Variants in CUL2 observed in about 807,000 individuals in gnomAD.
CUL2 encodes the protein cullin 2.
Under a neutral mutation model 110.2 loss-of-function variants are expected in CUL2, and 22 were observed. The observed-to-expected ratio is 0.20, with a 90% CI of 0.14 to 0.28. CUL2 has a LOEUF of 0.28. Ranked by LOEUF, CUL2 falls within the 10% of genes least tolerant of loss-of-function variation. The pLI is 1.00. For missense variants in CUL2, 631 were observed against 905.5 expected, an observed-to-expected ratio of 0.70 and a Z score of 3.89; for synonymous variants, 279 against 293.2, an observed-to-expected ratio of 0.95 and a Z score of 0.49.
chr10:35,120,427 C>T (rs1564760027), intron 1 of CUL2: 1 of 152,038 alleles, frequency 6.6e-6, no homozygotes, highest in Non-Finnish European at 1.5e-5. Flanking sequence ...GTTGGGATGG[C>T]TGGGTTTTCT....
intron 1 of CUL2, among the ~76,000 whole-genome samples, chr10:35,076,720 T>C (rs921726275): frequency 2.0e-5 from 3 of 152,176 alleles, no homozygotes; most frequent in African/African-American, 7.2e-5. Context: ...AATGGTATAC[T>C]ATTCAGATTG....
chr10:35,010,231 A>C lies in CUL2; in HGVS notation c.*80T>G, dbSNP rs2084865208. The C allele has an allele frequency of 2.2e-6, 3 of 1,386,300 alleles. No homozygotes were observed. Among genetic ancestry groups the C allele is most frequent in the South Asian group, 1.8e-5 (1 of 55,486 alleles). The allele number at this position is 1,386,300 out of a possible 1,614,324, so 85.9% of individuals were successfully genotyped here. On this transcript the variant is annotated 3_prime_UTR_variant, in exon 21 of 21. Transcript: ENST00000374749. ...TGCCAAATGACCAAATTATGGAGGC[A>C]CAGTCCTGCTTTTTCCCACAGGAAC...
At position 35,033,246 on chromosome 10, in the gene CUL2, A is replaced by G; in HGVS notation, c.1030T>C (p.Leu344=). 1.9e-6 allele frequency: 3 copies of G among 1,613,478 alleles called. No individual in the cohort carries two copies. The highest frequency in any genetic ancestry group is 2.5e-6 in the Non-Finnish European group (3 of 1,179,594). Residue 344 remains leucine, a synonymous_variant, in exon 11 of 21, where the codon TTG becomes CTG. Transcript: ENST00000374749. ...TGAACAAATTTACCATGCACTTCCAAAACTGACTCCACAAATAGTGTTGGC... is the reference window on the plus strand; with the variant it reads ...TGAACAAATTTACCATGCACTTCCAGAACTGACTCCACAAATAGTGTTGGC... ...NMPTLFVESV[L]EVHGKFVQLI...
intron 16 of CUL2, among the ~76,000 whole-genome samples, chr10:35,028,524 T>C (rs566349173): frequency 8.5e-4 from 129 of 152,348 alleles, no homozygotes; most frequent in Non-Finnish European, 1.5e-3. Flanking sequence ...TCTTCTGATA[T>C]CAACATTTTT....
intron 2 of CUL2, among the ~76,000 whole-genome samples, chr10:35,063,548 G>A (rs1360842634): frequency 3.3e-5 from 5 of 152,104 alleles, no homozygotes; most frequent in Non-Finnish European, 5.9e-5. Flanking sequence ...TAGCAGTCAG[G>A]ATACTCTACC....
chr10:35,064,612 A>T (rs979760195), intron 2 of CUL2, among the ~76,000 whole-genome samples: 2 of 152,206 alleles, frequency 1.3e-5, no homozygotes, highest in Admixed American at 1.3e-4. Flanking sequence ...TACTCCAGAA[A>T]GCGCAAGCAG....
chr10:35,120,070 T>C (rs924339688), intron 1 of CUL2: 7 of 152,220 alleles, frequency 4.6e-5, no homozygotes, highest in African/African-American at 1.7e-4. Context: ...TGATCATCTA[T>C]GGGGACTGCA....
Position 35,028,795 on chromosome 10 carries a change from T to C in CUL2, c.1617+15A>G, listed in dbSNP as rs757764906. Reference sequence around the variant, plus strand: ...AAATTCCTTTAGTCTTCTAATATATTTCCTGCAAACTTACCATCTGTACAC... The same window carrying C: ...AAATTCCTTTAGTCTTCTAATATATCTCCTGCAAACTTACCATCTGTACAC... On this transcript the variant is annotated intron_variant, in intron 16 of 20. Transcript: ENST00000374749. The C allele has an allele frequency of 3.2e-6, 5 of 1,548,654 alleles. No individual in the cohort carries two copies. Among genetic ancestry groups the C allele is most frequent in the East Asian group, 2.2e-5 (1 of 44,482 alleles).
At chr10:35,108,654 G>T (rs979136592) in intron 1 of CUL2, among the ~76,000 whole-genome samples, 9 of 152,170 alleles carry the variant, frequency 5.9e-5, no homozygotes, top group African/African-American at 2.2e-4. Context: ...CTTTGGGTCA[G>T]ATTTGGGAGT....
At chr10:35,101,700 T>C (rs1174102116) in intron 1 of CUL2, among the ~76,000 whole-genome samples, 1 of 152,200 alleles carries the variant, frequency 6.6e-6, no homozygotes, top group South Asian at 2.1e-4. Context: ...AGTTCCAAAC[T>C]AATCTTTTGT....
chr10:35,062,791 C>T lies in CUL2; in HGVS notation c.222+169G>A, dbSNP rs112503832. On this transcript the variant is annotated intron_variant, in intron 3 of 20. Coordinates refer to ENST00000374749, the MANE Select transcript of CUL2 (RefSeq NM_003591.4). Reference sequence around the variant, plus strand: ...AGTCGGGGCTGCAGTGAGCCATGATCGCGCCACTGCACCCTAGCCTGGGCA... The same window carrying T: ...AGTCGGGGCTGCAGTGAGCCATGATTGCGCCACTGCACCCTAGCCTGGGCA... 5.3e-5 allele frequency among the ~76,000 whole-genome samples: 8 copies of T among 151,956 alleles called. 1 individual carries two copies. The highest frequency in any genetic ancestry group is 1.2e-4 in the African/African-American group (5 of 41,434).
intron 16 of CUL2, among the ~76,000 whole-genome samples, chr10:35,026,096 T>C (rs1033188969): frequency 6.6e-6 from 1 of 152,194 alleles, no homozygotes; most frequent in African/African-American, 2.4e-5. Context: ...AATGAGTCAA[T>C]TCCTTCAGCA....
At chr10:35,103,313 T>TA (rs1564753891) in intron 1 of CUL2, among the ~76,000 whole-genome samples, 4 of 101,432 alleles carry the variant, frequency 3.9e-5, no homozygotes, top group Admixed American at 9.8e-5. Flanking sequence ...AGCTAATTTT[T>TA]TTTTTTTTTT....
intron 1 of CUL2, among the ~76,000 whole-genome samples, chr10:35,084,546 T>C (rs2087015689): frequency 6.6e-6 from 1 of 152,156 alleles, no homozygotes; most frequent in Non-Finnish European, 1.5e-5. Flanking sequence ...ATCTATACAT[T>C]CTTAAAGGTA....
At chr10:35,042,867 G>C (rs757867618) in intron 8 of CUL2, among the ~76,000 whole-genome samples, 4 of 152,098 alleles carry the variant, frequency 2.6e-5, no homozygotes, top group Non-Finnish European at 5.9e-5. Flanking sequence ...GTAGTCCGGA[G>C]GCCCAGACTT....
chr10:35,078,081 T>C (rs911921661), intron 1 of CUL2, among the ~76,000 whole-genome samples: 3 of 152,108 alleles, frequency 2.0e-5, no homozygotes, highest in South Asian at 2.1e-4. Context: ...AAGCACATCA[T>C]CTCTAACTGA....
chr10:35,059,654 A>G (rs2086332950), intron 4 of CUL2, among the ~76,000 whole-genome samples: 2 of 152,188 alleles, frequency 1.3e-5, no homozygotes, highest in Admixed American at 6.5e-5. Flanking sequence ...CATCATCTCC[A>G]AAGTATGCCT....
At position 35,008,751 on chromosome 10, in the gene CUL2, A is replaced by AGG. The variant is rs2084821537; in HGVS notation, c.*1559_*1560insCC. On this transcript the variant is annotated 3_prime_UTR_variant, in exon 21 of 21. Transcript: ENST00000374749. ...CACGAGTTAGAAAAAATGCAATTGA[A>AGG]TAAACCAATTGTAAGACCCATCTCA... 1.3e-5 allele frequency: 2 copies of AGG among 152,204 alleles called. No homozygotes were observed. Among genetic ancestry groups the AGG allele is most frequent in the African/African-American group, 2.4e-5 (1 of 41,456 alleles). The allele number at this position is 152,204 out of a possible 1,614,324, so 9.4% of individuals were successfully genotyped here. A position where few individuals can be genotyped will look rare whatever the true frequency, so the allele number is the denominator to read the frequency against.
At chr10:35,021,344 C>T (rs1476035565) in intron 17 of CUL2, among the ~76,000 whole-genome samples, 1 of 151,136 alleles carries the variant, frequency 6.6e-6, no homozygotes, top group Non-Finnish European at 1.5e-5. Context: ...GCAATCTCCG[C>T]CACCCGGGTT....
Sources: gnomAD v4.1 joint callset for allele counts (sites outside exome capture counted in the v4.1 genomes callset) on GRCh38, gnomAD v4.1.1 for gene constraint, MANE v1.5 for transcripts, NCBI Gene and HGNC (gene_info 2026-07-23, HGNC 2026-07-21) for gene names.